The following TTC28 variants were observed in gnomAD, a reference collection of about 807,000 sequenced individuals.
TTC28 encodes tetratricopeptide repeat domain 28, also known as tetratricopeptide repeat protein 28.
In TTC28, 61 loss-of-function variants were observed where a neutral mutation model predicts 198.0. The observed-to-expected ratio is 0.31, with a 90% CI of 0.25 to 0.38. The LOEUF (loss-of-function observed/expected upper bound fraction) is 0.38, where lower values mean the gene tolerates loss of function less well. Ranked by LOEUF, TTC28 falls within the 10% of genes least tolerant of loss-of-function variation. The probability of loss-of-function intolerance (pLI) is 1.00; values close to 1 mark genes in which losing one functional copy is unlikely to be tolerated. For synonymous variants in TTC28, 1,171 were observed against 1,297.8 expected (o/e 0.90, Z 2.10); for missense variants, 2,678 against 3,164.0 (o/e 0.85, Z 3.69).
intron 6 of TTC28, among the ~76,000 whole-genome samples, chr22:28,126,804 A>C (rs1399268121): frequency 6.6e-6 from 1 of 152,238 alleles, no homozygotes; most frequent in Non-Finnish European, 1.5e-5. Context: ...AGAGCCCTTC[A>C]TATACTAATA....
rs76450400 is a variant in TTC28, at chr22:28,297,237, G to A, written c.802+343C>T. ...GTTTTATTTTTTGTTTAAGAGACAG[G>A]GTTTTGCTCTGTTGCCCAGGCTGGA... On this transcript the variant is annotated intron_variant, in intron 4 of 22. Coordinates refer to ENST00000397906, the MANE Select transcript of TTC28 (RefSeq NM_001145418.2). Among the ~76,000 whole-genome samples, 676 of 152,072 alleles carry A rather than the reference G, an allele frequency of 4.4e-3. 1 individual carries two copies. The highest frequency in any genetic ancestry group is 7.2e-3 in the Non-Finnish European group (487 of 67,992).
At chr22:28,311,318 A>T (rs1412093044) in intron 2 of TTC28, among the ~76,000 whole-genome samples, 4 of 152,190 alleles carry the variant, frequency 2.6e-5, no homozygotes, top group Admixed American at 1.3e-4. Context: ...CTAGTTTTTA[A>T]AAAGCAGCAC....
At chr22:28,248,625 C>A (rs2147268612) in intron 5 of TTC28, among the ~76,000 whole-genome samples, 1 of 152,140 alleles carries the variant, frequency 6.6e-6, no homozygotes, top group African/African-American at 2.4e-5. Context: ...CTTCATAATA[C>A]ACACCTACTG....
chr22:28,237,032 G>T (rs1002118840), intron 5 of TTC28, among the ~76,000 whole-genome samples: 1 of 152,092 alleles, frequency 6.6e-6, no homozygotes, highest in African/African-American at 2.4e-5. Flanking sequence ...TTTCTCCTTT[G>T]TTCCTTTTTC....
chr22:28,038,240 G>C (rs1939447320), intron 12 of TTC28, among the ~76,000 whole-genome samples: 1 of 152,146 alleles, frequency 6.6e-6, no homozygotes, highest in Non-Finnish European at 1.5e-5. Flanking sequence ...AACAAAGCTG[G>C]AGGCATCAAG....
In TTC28 at chr22:28,518,789, G is replaced by A. The variant is rs562774866; in HGVS notation, c.381+110763C>T. 7.2e-5 allele frequency among the ~76,000 whole-genome samples: 11 copies of A among 152,224 alleles called. No homozygotes were observed. The South Asian group carries it at 1.5e-3, about 20-fold the overall frequency. Reference sequence around the variant, plus strand: ...AAGACAGAATTCATCTATCAATTACGAAAGTAGTAAAAAGGTCTTCATGAC... The same window carrying A: ...AAGACAGAATTCATCTATCAATTACAAAAGTAGTAAAAAGGTCTTCATGAC... On this transcript the variant is annotated intron_variant, in intron 2 of 22. Coordinates refer to ENST00000397906, the MANE Select transcript of TTC28 (RefSeq NM_001145418.2).
intron 12 of TTC28, among the ~76,000 whole-genome samples, chr22:28,092,839 A>C (rs1193896171): frequency 1.3e-5 from 2 of 152,244 alleles, no homozygotes; most frequent in African/African-American, 4.8e-5. Context: ...TTCAGGATGC[A>C]CAGCAGTCAC....
Position 28,234,378 on chromosome 22 carries a change from T to G in TTC28, c.933+61820A>C, listed in dbSNP as rs149940467. Among the ~76,000 whole-genome samples, 45 of 151,430 alleles carry G rather than the reference T, an allele frequency of 3.0e-4. No individual in the cohort carries two copies. The South Asian group carries it at 6.9e-3, about 23-fold the overall frequency. On this transcript the variant is annotated intron_variant, in intron 5 of 22. Coordinates refer to ENST00000397906, the MANE Select transcript of TTC28 (RefSeq NM_001145418.2). Reference sequence around the variant, plus strand: ...TACATTAGCCTCATCTTCTAATTTTTTTTGTTTGTTTTGAGAAGGAGTCTC... The same window carrying G: ...TACATTAGCCTCATCTTCTAATTTTGTTTGTTTGTTTTGAGAAGGAGTCTC...
At chr22:28,569,195 T>TAAAA (rs1555894835) in intron 2 of TTC28, among the ~76,000 whole-genome samples, 59 of 138,166 alleles carry the variant, frequency 4.3e-4, no homozygotes, top group Middle Eastern at 3.7e-3. Context: ...AATAAATAAA[T>TAAAA]AAAATTCACA....
At chr22:28,083,773 G>A (rs1177644165) in intron 12 of TTC28, among the ~76,000 whole-genome samples, 1 of 152,220 alleles carries the variant, frequency 6.6e-6, no homozygotes, top group East Asian at 1.9e-4. Flanking sequence ...CAAAGAAAGG[G>A]GTGACAGACG....
intron 2 of TTC28, among the ~76,000 whole-genome samples, chr22:28,310,218 G>A (rs1229643587): frequency 6.7e-6 from 1 of 150,048 alleles, no homozygotes; most frequent in Admixed American, 6.6e-5. Context: ...CAGTCAAGAG[G>A]GAAAAAATAT....
chr22:27,992,155 G>T (rs1937437130), intron 19 of TTC28, among the ~76,000 whole-genome samples: 1 of 152,002 alleles, frequency 6.6e-6, no homozygotes, highest in African/African-American at 2.4e-5. Context: ...AGGTGACAGG[G>T]GCCCCATAAG....
At chr22:28,661,248 T>G (rs141847657) in intron 1 of TTC28, among the ~76,000 whole-genome samples, 108 of 152,170 alleles carry the variant, frequency 7.1e-4, no homozygotes, top group African/African-American at 2.4e-3. Context: ...CGTGCCATTG[T>G]ACTCCAGCCT....
At chr22:28,317,439 C>T (rs80296923) in intron 2 of TTC28, among the ~76,000 whole-genome samples, 3,035 of 152,230 alleles carry the variant, frequency 0.02, 30 homozygotes, top group Non-Finnish European at 0.027. Flanking sequence ...TAGATTCAGG[C>T]GATAAGTTTC....
chr22:28,284,340 T>A (rs1464261028), intron 5 of TTC28, among the ~76,000 whole-genome samples: 1 of 152,140 alleles, frequency 6.6e-6, no homozygotes, highest in Non-Finnish European at 1.5e-5. Context: ...AACTAAGGGA[T>A]CACCGAGGGC....
At chr22:28,266,929 A>G (rs1266327634) in intron 5 of TTC28, among the ~76,000 whole-genome samples, 1 of 151,956 alleles carries the variant, frequency 6.6e-6, no homozygotes, top group Admixed American at 6.6e-5. Context: ...TGGCATCTCA[A>G]TGACAACGTG....
At chr22:28,062,635 G>A (rs773069779) in intron 12 of TTC28, among the ~76,000 whole-genome samples, 3 of 151,788 alleles carry the variant, frequency 2.0e-5, no homozygotes, top group African/African-American at 4.8e-5. Context: ...TACTTGGCCC[G>A]AGATTGATAC....
chr22:28,200,458 T>C (rs1167263203), intron 5 of TTC28, among the ~76,000 whole-genome samples: 1 of 152,052 alleles, frequency 6.6e-6, no homozygotes. Flanking sequence ...TACATCTGAA[T>C]TAAAAAGAAT....
At chr22:28,652,973 T>C (rs1294202014) in intron 1 of TTC28, among the ~76,000 whole-genome samples, 2 of 152,198 alleles carry the variant, frequency 1.3e-5, no homozygotes, top group East Asian at 3.8e-4. Flanking sequence ...TTTCCTTTCA[T>C]TTACCTAAAT....
Sources: gnomAD v4.1 joint callset for allele counts (sites outside exome capture counted in the v4.1 genomes callset) on GRCh38, gnomAD v4.1.1 for gene constraint, MANE v1.5 for transcripts, NCBI Gene and HGNC (gene_info 2026-07-23, HGNC 2026-07-21) for gene names.